FAM184B: variants seen among roughly 807,000 people sequenced by gnomAD.
The protein encoded by FAM184B is family with sequence similarity 184 member B, also known as protein FAM184B.
Under a neutral mutation model 135.9 loss-of-function variants are expected in FAM184B, and 111 were observed. That is an observed-to-expected ratio of 0.82 (90% CI 0.70 to 0.96). The LOEUF is 0.96. Among genes scored for constraint, FAM184B ranks in the 40% least tolerant of loss-of-function variants. The pLI, the probability that FAM184B is intolerant of heterozygous loss-of-function variation, is 0.00. For missense variants in FAM184B, 1,375 were observed against 1,323.9 expected, an observed-to-expected ratio of 1.04 and a Z score of -0.60; for synonymous variants, 552 against 524.8, an observed-to-expected ratio of 1.05 and a Z score of -0.71.
Position 17,642,197 on chromosome 4 carries a change from G to C in FAM184B, c.2378C>G (p.Pro793Arg). The C allele has an allele frequency of 6.6e-7, 1 of 1,523,568 alleles. No individual in the cohort carries two copies. The highest frequency in any genetic ancestry group is 8.8e-7 in the Non-Finnish European group (1 of 1,141,938). 94.4% of individuals were successfully genotyped at this position (1,523,568 alleles called of 1,614,324 possible). A position where few individuals can be genotyped will look rare whatever the true frequency, so the allele number is the denominator to read the frequency against. The change falls in exon 13 of 18, where the codon CCA (proline) becomes CGA (arginine). Residue 793 changes from proline (P) to arginine (R), a missense_variant. Pro to Arg is a moderately radical substitution (Grantham distance 103). Transcript: ENST00000265018. ...GGAACCCTGCCCAGCAGCGCCCGGTGGGGAGCCGGCCTGGCCCGGGCCGCC... is the reference window on the plus strand; with the variant it reads ...GGAACCCTGCCCAGCAGCGCCCGGTCGGGAGCCGGCCTGGCCCGGGCCGCC... ...ERGGPGQAGS[P>R]PGAAGQGSGE...
Position 17,632,410 on chromosome 4 carries a change from A to G in FAM184B, c.*122T>C. The G allele has an allele frequency of 1.2e-6, 1 of 820,966 alleles. No homozygotes were observed. 50.9% of individuals were successfully genotyped at this position (820,966 alleles called of 1,614,324 possible). Reference sequence around the variant, plus strand: ...AAGTGTTAACGCCAAAATTTGTTTTAGCTATCATATATAAATCATAAGCAT... The same window carrying G: ...AAGTGTTAACGCCAAAATTTGTTTTGGCTATCATATATAAATCATAAGCAT... On this transcript the variant is annotated 3_prime_UTR_variant, in exon 18 of 18. Coordinates refer to ENST00000265018, the MANE Select transcript of FAM184B (RefSeq NM_015688.2).
At chr4:17,708,709 AGTG>A (rs1560182128) in intron 2 of FAM184B, among the ~76,000 whole-genome samples, 180 bp downstream of exon 2, 3 of 38,836 alleles carry the variant, frequency 7.7e-5, no homozygotes, top group African/African-American at 2.0e-4. Flanking sequence ...ATATATATAT[AGTG>A]TCTGTGTGTG....
At chr4:17,765,221 T>G (rs1263411611) in intron 1 of FAM184B, among the ~76,000 whole-genome samples, 1 of 152,178 alleles carries the variant, frequency 6.6e-6, no homozygotes, top group Non-Finnish European at 1.5e-5. Flanking sequence ...CAGCACATCT[T>G]GTCTATCAGA....
Position 17,631,032 on chromosome 4 carries a change from G to C in FAM184B, c.*1500C>G, listed in dbSNP as rs1437023806. On this transcript the variant is annotated 3_prime_UTR_variant, in exon 18 of 18. Transcript: ENST00000265018. ...TTTGCCCCCTAAAAGTTGTTATTGA[G>C]TCTTGTCAAATCACATTGCTCTGTC... The C allele has an allele frequency of 6.6e-6, 1 of 152,212 alleles. No individual in the cohort carries two copies. The highest frequency in any genetic ancestry group is 1.5e-5 in the Non-Finnish European group (1 of 68,034). 9.4% of individuals were successfully genotyped at this position (152,212 alleles called of 1,614,324 possible).
chr4:17,723,251 G>C (rs1472079626), intron 1 of FAM184B, among the ~76,000 whole-genome samples: 2 of 152,144 alleles, frequency 1.3e-5, no homozygotes, highest in African/African-American at 4.8e-5. Flanking sequence ...ATTCGCAGCA[G>C]AGAAAAATCT....
chr4:17,781,043 C>T lies in FAM184B; in HGVS notation c.141+116G>A. On this transcript the variant is annotated intron_variant, in intron 1 of 17. Coordinates refer to ENST00000265018, the MANE Select transcript of FAM184B (RefSeq NM_015688.2). This position sits in a 1 kb window ranked among gnomAD's most constrained non-coding sequence, Gnocchi z 6.5. The stretch of plus-strand genomic sequence containing the variant: ...ACCGCTTCCCTTCCCGGTTGGCCTC[C>T]GAGACAAAGTTTCTGTCTGGATTTG... 7.5e-7 allele frequency: 1 copy of T among 1,340,572 alleles called. No individual in the cohort carries two copies. Among genetic ancestry groups the T allele is most frequent in the Non-Finnish European group, 9.9e-7 (1 of 1,015,086 alleles). 83.0% of individuals were successfully genotyped at this position (1,340,572 alleles called of 1,614,324 possible). A position where few individuals can be genotyped will look rare whatever the true frequency, so the allele number is the denominator to read the frequency against.
At chr4:17,733,639 T>C (rs1717837434) in intron 1 of FAM184B, among the ~76,000 whole-genome samples, 1 of 152,142 alleles carries the variant, frequency 6.6e-6, no homozygotes, top group East Asian at 1.9e-4. Flanking sequence ...GAAGGACCTC[T>C]TCAAGGAGAA....
intron 1 of FAM184B, among the ~76,000 whole-genome samples, chr4:17,772,627 G>C (rs1718842855): frequency 6.6e-6 from 1 of 152,200 alleles, no homozygotes; most frequent in South Asian, 2.1e-4. Flanking sequence ...TGGATCTTTA[G>C]GATGGCCCAA....
intron 1 of FAM184B, among the ~76,000 whole-genome samples, chr4:17,751,823 GCACACACA>G (rs3222789): frequency 2.0e-3 from 229 of 115,896 alleles, no homozygotes; most frequent in African/African-American, 5.9e-3. Context: ...TAAAAACAAG[GCACACACA>G]CACACACACA....
intron 1 of FAM184B, among the ~76,000 whole-genome samples, chr4:17,760,908 A>C (rs768676036): frequency 1.3e-5 from 2 of 152,204 alleles, no homozygotes; most frequent in African/African-American, 2.4e-5. Flanking sequence ...AGTCAATGTC[A>C]AAGGTTGCTT....
At chr4:17,666,651 C>T (rs1716056518) in intron 7 of FAM184B, among the ~76,000 whole-genome samples, 1 of 151,406 alleles carries the variant, frequency 6.6e-6, no homozygotes, top group Non-Finnish European at 1.5e-5. Flanking sequence ...CCCTGGACAC[C>T]TTCTCTAAAA....
At chr4:17,664,799 T>C in intron 7 of FAM184B, 140 bp from the exon 8 acceptor site, 1 of 645,744 alleles carries the variant, frequency 1.5e-6, no homozygotes, top group South Asian at 2.0e-5. Context: ...GTGCCCTGCT[T>C]GCAGGGGATG....
chr4:17,769,693 C>T (rs1718770575), intron 1 of FAM184B, among the ~76,000 whole-genome samples: 1 of 152,032 alleles, frequency 6.6e-6, no homozygotes, highest in South Asian at 2.1e-4. Flanking sequence ...CCCCACTCCC[C>T]GATAAGATGA....
chr4:17,671,114 C>A (rs559315400), intron 7 of FAM184B, among the ~76,000 whole-genome samples: 1 of 152,056 alleles, frequency 6.6e-6, no homozygotes, highest in Non-Finnish European at 1.5e-5. Flanking sequence ...GCTCCTGCAC[C>A]CCAGGAGAAT....
intron 7 of FAM184B, among the ~76,000 whole-genome samples, chr4:17,668,040 G>T (rs1716093237): frequency 6.6e-6 from 1 of 152,214 alleles, no homozygotes; most frequent in African/African-American, 2.4e-5. Flanking sequence ...CCAGGCAGGT[G>T]CATGTCTAGC....
At position 17,781,423 on chromosome 4, in the gene FAM184B, G is replaced by T; in HGVS notation, c.-124C>A. ...GGAGAGGTGGCACTGCAGTCCCGTC[G>T]CCTGCACCGCCGCGTGGCCCCAGCT... is the stretch of plus-strand genomic sequence containing the variant. On this transcript the variant is annotated 5_prime_UTR_variant, in exon 1 of 18. Coordinates refer to ENST00000265018, the MANE Select transcript of FAM184B (RefSeq NM_015688.2). The surrounding 1 kb of genome is among the most constrained non-coding windows in gnomAD (Gnocchi z 6.5). 8.5e-7 allele frequency: 1 copy of T among 1,181,268 alleles called. No homozygotes were observed. Among genetic ancestry groups the T allele is most frequent in the Non-Finnish European group, 1.1e-6 (1 of 905,220 alleles). The allele number at this position is 1,181,268 out of a possible 1,614,324, so 73.2% of individuals were successfully genotyped here. A position where few individuals can be genotyped will look rare whatever the true frequency, so the allele number is the denominator to read the frequency against.
chr4:17,683,322 T>C (rs1286267816), intron 7 of FAM184B, among the ~76,000 whole-genome samples: 2 of 152,148 alleles, frequency 1.3e-5, no homozygotes, highest in African/African-American at 4.8e-5. Flanking sequence ...ACCCGGCAAA[T>C]TCCACGGGAG....
rs140726655 is a variant in FAM184B, at chr4:17,718,979, G to C, written c.142-9335C>G. On this transcript the variant is annotated intron_variant, in intron 1 of 17. Transcript: ENST00000265018. ...CAGTAGTTGTCCCTTATCTGAGGGG[G>C]ATACCTTCCAAGATGCCCACTGGAT... Among the ~76,000 whole-genome samples the C allele has an allele frequency of 2.6e-5, 4 of 152,334 alleles. No homozygotes were observed. The East Asian group carries it at 7.7e-4, about 29-fold the overall frequency.
chr4:17,654,534 AGGCAGGGAACC>A (rs1715737726), intron 10 of FAM184B, among the ~76,000 whole-genome samples: 1 of 152,216 alleles, frequency 6.6e-6, no homozygotes, highest in South Asian at 2.1e-4. Flanking sequence ...GGGGCTAGAA[AGGCAGGGAACC>A]TGCCTGCAGA....
Sources: gnomAD v4.1 joint callset for allele counts (sites outside exome capture counted in the v4.1 genomes callset) on GRCh38, gnomAD v4.1.1 for gene constraint, Gnocchi (gnomAD v3.1) non-coding constraint, MANE v1.5 for transcripts, NCBI Gene and HGNC (gene_info 2026-07-23, HGNC 2026-07-21) for gene names.